The following FRMPD4 variants were observed in gnomAD, a reference collection of about 807,000 sequenced individuals.
The protein encoded by FRMPD4 is FERM and PDZ domain containing 4, also known as FERM and PDZ domain-containing protein 4.
FRMPD4 carries 22 observed loss-of-function variants against 94.1 expected under a neutral mutation model. The observed-to-expected ratio is 0.23, with a 90% CI of 0.17 to 0.33. FRMPD4 has a LOEUF of 0.33. Ranked by LOEUF, FRMPD4 falls within the 10% of genes least tolerant of loss-of-function variation. FRMPD4 has a pLI of 1.00. For missense variants in FRMPD4, 1,111 were observed against 1,339.9 expected (o/e 0.83, Z 2.67); for synonymous variants, 631 against 548.6 (o/e 1.15, Z -2.10).
At chrX:12,142,397 A>C (rs1191873084) in intron 1 of FRMPD4, among the ~76,000 whole-genome samples, 1 of 111,771 alleles carries the variant, frequency 8.9e-6, no homozygotes, top group Non-Finnish European at 1.9e-5. Context: ...TCAGAATTAA[A>C]TATTTCCCAG....
intron 2 of FRMPD4, among the ~76,000 whole-genome samples, chrX:12,533,993 C>G (rs756279980): frequency 8.9e-6 from 1 of 112,830 alleles, no homozygotes; most frequent in East Asian, 2.8e-4. Flanking sequence ...AGAGTCTTCA[C>G]GGAATCCCCT....
intron 9 of FRMPD4, among the ~76,000 whole-genome samples, chrX:12,699,762 A>G (rs1033260478): frequency 8.9e-6 from 1 of 112,832 alleles, no homozygotes; most frequent in East Asian, 2.8e-4. Flanking sequence ...ACGTATATCC[A>G]TGGGAGCCTT....
intron 4 of FRMPD4, among the ~76,000 whole-genome samples, chrX:12,640,231 G>A (rs1005803515): frequency 2.0e-5 from 2 of 99,585 alleles, no homozygotes; most frequent in Non-Finnish European, 4.0e-5. Flanking sequence ...CCCAGGAGGT[G>A]GAAGTTGCAG....
chrX:11,902,145 T>G (rs2053941830), intron 3 of FRMPD4, among the ~76,000 whole-genome samples: 1 of 112,869 alleles, frequency 8.9e-6, no homozygotes, highest in Admixed American at 9.3e-5. Flanking sequence ...GGAACTGACT[T>G]TAATGCTTCT....
At chrX:12,433,231 C>T (rs1036013498) in intron 1 of FRMPD4, among the ~76,000 whole-genome samples, 1 of 112,209 alleles carries the variant, frequency 8.9e-6, no homozygotes, top group Admixed American at 9.4e-5. Context: ...CAATCTATTT[C>T]TGCTGACATG....
intron 1 of FRMPD4, among the ~76,000 whole-genome samples, chrX:12,357,153 A>T (rs1043694925): frequency 8.9e-6 from 1 of 112,119 alleles, no homozygotes; most frequent in Non-Finnish European, 1.9e-5. Flanking sequence ...GAGGCATCTA[A>T]TCTCATCCCA....
chrX:12,679,418 G>A (rs766392431), intron 5 of FRMPD4, among the ~76,000 whole-genome samples: 3 of 112,053 alleles, frequency 2.7e-5, no homozygotes, highest in Non-Finnish European at 5.6e-5. Flanking sequence ...ACCAGACAGA[G>A]AGGTTAGAGC....
At chrX:12,481,634 A>T (rs1351962052) in intron 1 of FRMPD4, among the ~76,000 whole-genome samples, 1 of 110,289 alleles carries the variant, frequency 9.1e-6, no homozygotes, top group Non-Finnish European at 1.9e-5. Context: ...GAATAAGGTA[A>T]GCTAGAGAAA....
At chrX:11,921,168 A>C (rs1206289472) in intron 3 of FRMPD4, among the ~76,000 whole-genome samples, 1 of 112,299 alleles carries the variant, frequency 8.9e-6, no homozygotes, top group Non-Finnish European at 1.9e-5. Flanking sequence ...CACAGACTGC[A>C]TGGCTTAAAC....
intron 1 of FRMPD4, among the ~76,000 whole-genome samples, chrX:12,376,953 C>A: frequency 8.9e-6 from 1 of 112,094 alleles, no homozygotes; most frequent in Non-Finnish European, 1.9e-5. Context: ...TGGGTACTTC[C>A]TCCCAATGGG....
At chrX:12,106,556 C>T (rs2407671) in intron 3 of FRMPD4, among the ~76,000 whole-genome samples, 8,846 of 110,497 alleles carry the variant, frequency 0.08, 875 homozygotes, top group East Asian at 0.57. Flanking sequence ...ACAGTAGGGG[C>T]AGGACAGTGG....
chrX:12,530,647 C>G (rs937073840), intron 2 of FRMPD4, among the ~76,000 whole-genome samples: 10 of 111,508 alleles, frequency 9.0e-5, no homozygotes, highest in African/African-American at 3.3e-4. Flanking sequence ...ACAGGATTAT[C>G]AGATCCAGGG....
At chrX:12,325,884 A>C (rs1001441520) in intron 1 of FRMPD4, among the ~76,000 whole-genome samples, 1 of 112,317 alleles carries the variant, frequency 8.9e-6, no homozygotes, top group South Asian at 3.7e-4. Flanking sequence ...AGATGTGTGA[A>C]ATGAATAAGT....
At chrX:12,292,385 G>A (rs1319067362) in intron 1 of FRMPD4, among the ~76,000 whole-genome samples, 1 of 110,966 alleles carries the variant, frequency 9.0e-6, no homozygotes, top group African/African-American at 3.3e-5. Flanking sequence ...ATTGTTTTTG[G>A]TGGTGTTGCC....
chrX:12,543,308 C>A (rs979889689), intron 2 of FRMPD4, among the ~76,000 whole-genome samples: 4 of 111,592 alleles, frequency 3.6e-5, no homozygotes, highest in African/African-American at 1.3e-4. Flanking sequence ...GGGCAACCTA[C>A]AGAATGGGAG....
At chrX:11,967,757 T>TG (rs1491571929) in intron 3 of FRMPD4, among the ~76,000 whole-genome samples, 3,990 of 30,651 alleles carry the variant, frequency 0.13, 244 homozygotes, top group African/African-American at 0.29. Flanking sequence ...TGTGTGTGTG[T>TG]TTTTTTTTTT....
rs34277181 is a variant in FRMPD4, at chrX:12,500,206, GA to G, written c.158+1419del. Among the ~76,000 whole-genome samples the G allele has an allele frequency of 5.4e-5, 6 of 110,140 alleles. No homozygotes were observed. In the East Asian group the frequency reaches 1.1e-3, roughly 21 times the overall value. On this transcript the variant is annotated intron_variant, in intron 2 of 16. Transcript: ENST00000675598. ...ATAATAGAGGAGAGATTGGAGGCCA[GA>G]AAAAAAAATTATTTCACAACCACAT...
chrX:12,316,613 C>T (rs1286641183), intron 1 of FRMPD4, among the ~76,000 whole-genome samples: 7 of 111,847 alleles, frequency 6.3e-5, no homozygotes, highest in Non-Finnish European at 1.1e-4. Flanking sequence ...TTTGTTGATA[C>T]TTTTCACATT....
chrX:12,707,511 C>A lies in FRMPD4; in HGVS notation c.1330C>A (p.Arg444=). Reference sequence around the variant, plus strand: ...GGAAGTGACTCTCCTGGTTGGGCCCCGGTATGGCATAAGCCATGTCATCAA... The same window carrying A: ...GGAAGTGACTCTCCTGGTTGGGCCCAGGTATGGCATAAGCCATGTCATCAA... ...RSEVTLLVGP[R]YGISHVINTK... is the part of the protein sequence containing the mutation. The change falls in exon 13 of 17, where the codon CGG becomes AGG. Residue 444 remains arginine, a synonymous_variant. Transcript: ENST00000675598. The A allele has an allele frequency of 8.3e-7, 1 of 1,206,575 alleles. No homozygotes were observed. Among genetic ancestry groups the A allele is most frequent in the Non-Finnish European group, 1.1e-6 (1 of 892,332 alleles).
Sources: gnomAD v4.1 joint callset for allele counts (sites outside exome capture counted in the v4.1 genomes callset) on GRCh38, gnomAD v4.1.1 for gene constraint, MANE v1.5 for transcripts, NCBI Gene and HGNC (gene_info 2026-07-23, HGNC 2026-07-21) for gene names.